RORB: variants seen among roughly 807,000 people sequenced by gnomAD.
The protein encoded by RORB is RAR related orphan receptor B.
RORB carries 6 observed loss-of-function variants against 59.1 expected under a neutral mutation model. The ratio of observed to expected loss-of-function variants is 0.10; its 90% CI spans 0.06 to 0.20. The LOEUF (loss-of-function observed/expected upper bound fraction) is 0.20, where lower values mean the gene tolerates loss of function less well. Ranked by LOEUF, RORB falls within the 10% of genes least tolerant of loss-of-function variation. The probability of loss-of-function intolerance (pLI) is 1.00; values close to 1 mark genes in which losing one functional copy is unlikely to be tolerated. For synonymous variants in RORB, 215 were observed against 204.5 expected, an observed-to-expected ratio of 1.05 and a Z score of -0.44; for missense variants, 320 against 560.5, an observed-to-expected ratio of 0.57 and a Z score of 4.33.
intron 1 of RORB, among the ~76,000 whole-genome samples, chr9:74,510,121 C>T (rs572000446): frequency 6.6e-6 from 1 of 151,944 alleles, no homozygotes; most frequent in Non-Finnish European, 1.5e-5. Flanking sequence ...CTTGAAATAC[C>T]AACCCTACTC....
In RORB at chr9:74,690,122, G is replaced by A. The variant is rs1305674740; in HGVS notation, c.*4504G>A. ...CACAAAGTCCCCTGCATAAAGAAGA[G>A]AGGAAAGCCTACCATCTGCTTTAGA... On this transcript the variant is annotated 3_prime_UTR_variant, in exon 10 of 10. Coordinates refer to ENST00000376896, the MANE Select transcript of RORB (RefSeq NM_006914.4). 1 of 152,170 alleles carries A rather than the reference G, an allele frequency of 6.6e-6. No homozygotes were observed. The highest frequency in any genetic ancestry group is 1.5e-5 in the Non-Finnish European group (1 of 68,038). The allele number at this position is 152,170 out of a possible 1,614,324, so 9.4% of individuals were successfully genotyped here. A position where few individuals can be genotyped will look rare whatever the true frequency, so the allele number is the denominator to read the frequency against.
chr9:74,534,107 C>A (rs943230347), intron 1 of RORB, among the ~76,000 whole-genome samples: 2 of 152,006 alleles, frequency 1.3e-5, no homozygotes, highest in African/African-American at 2.4e-5. Flanking sequence ...TCATAATTAT[C>A]TTTTCCCTAT....
Position 74,499,753 on chromosome 9 carries a change from G to A in RORB, c.7+1770G>A, listed in dbSNP as rs557973381. On this transcript the variant is annotated intron_variant, in intron 1 of 9. Coordinates refer to ENST00000376896, the MANE Select transcript of RORB (RefSeq NM_006914.4). ...ATCTCACCATCCCATCCATTCTTTC[G>A]GTTTCCCCCGTCCCAGTCCAGAGCT... 2.0e-5 allele frequency among the ~76,000 whole-genome samples: 3 copies of A among 152,062 alleles called. No individual in the cohort carries two copies. In the South Asian group the frequency reaches 6.2e-4, roughly 32 times the overall value.
chr9:74,560,721 C>T (rs1297749132), intron 1 of RORB, among the ~76,000 whole-genome samples: 1 of 151,516 alleles, frequency 6.6e-6, no homozygotes, highest in Non-Finnish European at 1.5e-5. Flanking sequence ...TAAACCTAAA[C>T]CTATTTCAGT....
intron 1 of RORB, among the ~76,000 whole-genome samples, chr9:74,575,156 C>T (rs1280465111): frequency 6.6e-6 from 1 of 152,094 alleles, no homozygotes; most frequent in Non-Finnish European, 1.5e-5. Context: ...GCAAGACTAT[C>T]GTTTTATGCC....
intron 1 of RORB, among the ~76,000 whole-genome samples, chr9:74,549,801 C>T (rs1385366432): frequency 6.6e-6 from 1 of 152,026 alleles, no homozygotes; most frequent in Non-Finnish European, 1.5e-5. Flanking sequence ...GATCTGGGCT[C>T]ACTGCGACCC....
intron 1 of RORB, among the ~76,000 whole-genome samples, chr9:74,587,668 G>C (rs1822821712): frequency 6.6e-6 from 1 of 152,138 alleles, no homozygotes; most frequent in Non-Finnish European, 1.5e-5. Flanking sequence ...CAAGGGAAGG[G>C]GGCCTCAGCT....
At chr9:74,613,865 A>G (rs1823270012) in intron 1 of RORB, among the ~76,000 whole-genome samples, 1 of 152,206 alleles carries the variant, frequency 6.6e-6, no homozygotes, top group African/African-American at 2.4e-5. Context: ...CACTTCGGAT[A>G]ATGGCATCCA....
At chr9:74,682,145 G>GT (rs529512214) in intron 9 of RORB, among the ~76,000 whole-genome samples, 265 of 152,164 alleles carry the variant, frequency 1.7e-3, no homozygotes, top group Non-Finnish European at 3.3e-3. Context: ...AAGCACCACT[G>GT]TAAAAAAATT....
chr9:74,513,566 G>A (rs1017688876), intron 1 of RORB, among the ~76,000 whole-genome samples: 6 of 151,914 alleles, frequency 3.9e-5, no homozygotes, highest in African/African-American at 1.5e-4. Flanking sequence ...GAAAAAAATG[G>A]TTAAGTCTAA....
chr9:74,642,700 A>G lies in RORB; in HGVS notation c.522A>G (p.Gly174=), dbSNP rs764525958. Reference sequence around the variant, plus strand: ...ATCAGTCAGGACTTGACATGACTGGAATCAAACAGATAAAGCAAGAACCTA... The same window carrying G: ...ATCAGTCAGGACTTGACATGACTGGGATCAAACAGATAAAGCAAGAACCTA... ...SPDQSGLDMT[G]IKQIKQEPIY... The change falls in exon 4 of 10, where the codon GGA becomes GGG. Residue 174 remains glycine, a synonymous_variant. Transcript: ENST00000376896. 24 of 1,614,192 alleles carry G rather than the reference A, an allele frequency of 1.5e-5. No individual in the cohort carries two copies. The highest frequency in any genetic ancestry group is 1.9e-5 in the Non-Finnish European group (23 of 1,180,022).
At chr9:74,560,101 G>T (rs965897) in intron 1 of RORB, among the ~76,000 whole-genome samples, 62,812 of 151,824 alleles carry the variant, frequency 0.41, 13,990 homozygotes, top group East Asian at 0.77. Flanking sequence ...TTTCCTCTAC[G>T]GTTTACCCAT....
At chr9:74,522,771 G>T (rs1826100614) in intron 1 of RORB, among the ~76,000 whole-genome samples, 1 of 151,810 alleles carries the variant, frequency 6.6e-6, no homozygotes, top group South Asian at 2.1e-4. Context: ...CAAAGTCATT[G>T]TTTGGTGCTC....
chr9:74,641,197 G>A (rs534587064), intron 3 of RORB, among the ~76,000 whole-genome samples: 1 of 151,160 alleles, frequency 6.6e-6, no homozygotes, highest in Admixed American at 6.6e-5. Context: ...AACAAGGTAG[G>A]CCTGTGACTC....
chr9:74,576,310 G>A (rs186464429), intron 1 of RORB, among the ~76,000 whole-genome samples: 1 of 152,052 alleles, frequency 6.6e-6, no homozygotes, highest in Non-Finnish European at 1.5e-5. Context: ...GCTCCTGTCT[G>A]TAACAGCTAA....
At chr9:74,499,817 C>G (rs911676426) in intron 1 of RORB, among the ~76,000 whole-genome samples, 1 of 152,180 alleles carries the variant, frequency 6.6e-6, no homozygotes, top group African/African-American at 2.4e-5. Flanking sequence ...CTAACTTTCC[C>G]CCTGTGGCTG....
At chr9:74,516,905 T>C (rs1385641685) in intron 1 of RORB, among the ~76,000 whole-genome samples, 1 of 152,050 alleles carries the variant, frequency 6.6e-6, no homozygotes, top group Admixed American at 6.6e-5. Context: ...ACATACCATC[T>C]CACTGAATAT....
chr9:74,621,467 C>T (rs1379582615), intron 1 of RORB, among the ~76,000 whole-genome samples: 3 of 152,184 alleles, frequency 2.0e-5, no homozygotes, highest in Non-Finnish European at 4.4e-5. Flanking sequence ...AAATGTACCA[C>T]AGTTGGTTTG....
rs1178680673 is a variant in RORB, at chr9:74,643,377, G to A, written c.637+562G>A. Among the ~76,000 whole-genome samples the A allele has an allele frequency of 2.6e-5, 4 of 152,224 alleles. No homozygotes were observed. The East Asian group carries it at 7.7e-4, about 29-fold the overall frequency. ...ATTCTGAATTACAGCAATGAAAAGA[G>A]TGTAGTCTGGAATCTTATAGAACAT... On this transcript the variant is annotated intron_variant, in intron 4 of 9. Transcript: ENST00000376896.
Sources: gnomAD v4.1 joint callset for allele counts (sites outside exome capture counted in the v4.1 genomes callset) on GRCh38, gnomAD v4.1.1 for gene constraint, MANE v1.5 for transcripts, NCBI Gene and HGNC (gene_info 2026-07-23, HGNC 2026-07-21) for gene names.